The following C1D variants were observed in gnomAD, a reference collection of about 807,000 sequenced individuals.
C1D encodes the protein nuclear nucleic acid-binding protein C1D.
A neutral mutation model predicts 17.5 loss-of-function variants in C1D; 10 were observed. The ratio of observed to expected loss-of-function variants is 0.57; its 90% CI spans 0.35 to 0.97. C1D has a LOEUF of 0.97. Among genes scored for constraint, C1D ranks in the 50% least tolerant of loss-of-function variants. C1D has a pLI of 0.01. For missense variants in C1D, 136 were observed against 160.1 expected, an observed-to-expected ratio of 0.85 and a Z score of 0.81; for synonymous variants, 49 against 54.0, an observed-to-expected ratio of 0.91 and a Z score of 0.40.
In C1D at chr2:68,043,008, T is replaced by G; in HGVS notation, c.307A>C (p.Lys103Gln). Residue 103 changes from lysine (K) to glutamine (Q), a missense_variant, in exon 5 of 5, where the codon AAG (lysine) becomes CAG (glutamine). Coordinates refer to ENST00000410067, the MANE Select transcript of C1D (RefSeq NM_173177.3). ...CTGTCCAGCTTGCCAGCCTTTTTCT[T>G]GTCTGTTATTTCCTTGACTCTGTTC... ...YMNRVKEITDKKKAGKLDRGA... is the reference protein window; with the variant it reads ...YMNRVKEITDQKKAGKLDRGA... The G allele has an allele frequency of 6.2e-7, 1 of 1,611,034 alleles. No individual in the cohort carries two copies. The highest frequency in any genetic ancestry group is 8.5e-7 in the Non-Finnish European group (1 of 1,178,284).
Position 68,053,294 on chromosome 2 carries a change from T to C in C1D, c.-9-5975A>G, listed in dbSNP as rs1671341258. On this transcript the variant is annotated intron_variant, in intron 1 of 4. Coordinates refer to ENST00000410067, the MANE Select transcript of C1D (RefSeq NM_173177.3). Reference sequence around the variant, plus strand: ...ACTCAGTCCTTCCTCTCACTGGTTATACAGAAGCCAAAGTACCGATAGGAG... The same window carrying C: ...ACTCAGTCCTTCCTCTCACTGGTTACACAGAAGCCAAAGTACCGATAGGAG... The C allele has an allele frequency of 3.7e-6, 5 of 1,350,778 alleles. No individual in the cohort carries two copies. The Admixed American group carries it at 1.2e-4, about 34-fold the overall frequency. 83.7% of individuals were successfully genotyped at this position (1,350,778 alleles called of 1,614,324 possible).
At chr2:68,048,872 C>T (rs1671205646) in intron 1 of C1D, among the ~76,000 whole-genome samples, 1 of 152,124 alleles carries the variant, frequency 6.6e-6, no homozygotes, top group African/African-American at 2.4e-5. Context: ...GATCTACCAG[C>T]AGACTTCAAC....
intron 1 of C1D, among the ~76,000 whole-genome samples, chr2:68,061,460 C>T (rs1176939363): frequency 1.3e-5 from 2 of 152,194 alleles, no homozygotes; most frequent in Non-Finnish European, 2.9e-5. Context: ...TGAACAATTA[C>T]ATTAAATTAA....
At chr2:68,044,810 TTC>T (rs1348890292) in intron 4 of C1D, among the ~76,000 whole-genome samples, 1 of 152,180 alleles carries the variant, frequency 6.6e-6, no homozygotes, top group Non-Finnish European at 1.5e-5. Context: ...CAAAAGTAGA[TTC>T]TGAGGTAGAA....
At position 68,042,235 on chromosome 2, in the gene C1D, A is replaced by G; in HGVS notation, c.*654T>C. On this transcript the variant is annotated 3_prime_UTR_variant, in exon 5 of 5. Coordinates refer to ENST00000410067, the MANE Select transcript of C1D (RefSeq NM_173177.3). ...AACATTTTCAGCCTTTATTGAGAGT[A>G]CAGTCATCATGCCAAAATTCATCCA... 1 of 152,560 alleles carries G rather than the reference A, an allele frequency of 6.6e-6. No individual in the cohort carries two copies. Among genetic ancestry groups the G allele is most frequent in the Non-Finnish European group, 1.5e-5 (1 of 67,972 alleles). 9.5% of individuals were successfully genotyped at this position (152,560 alleles called of 1,614,324 possible).
chr2:68,057,329 G>A (rs780773255), intron 1 of C1D, among the ~76,000 whole-genome samples: 1 of 139,208 alleles, frequency 7.2e-6, no homozygotes, highest in Non-Finnish European at 1.5e-5. Flanking sequence ...TTTTTTTTTC[G>A]TATTTTTAGT....
intron 1 of C1D, among the ~76,000 whole-genome samples, chr2:68,054,500 A>G (rs556217073): frequency 6.6e-6 from 1 of 152,354 alleles, no homozygotes; most frequent in African/African-American, 2.4e-5. Flanking sequence ...CTGCTTCTAA[A>G]GCCTTTCAAC....
At chr2:68,057,661 T>C (rs1044819120) in intron 1 of C1D, among the ~76,000 whole-genome samples, 1 of 151,824 alleles carries the variant, frequency 6.6e-6, no homozygotes, top group African/African-American at 2.4e-5. Flanking sequence ...TAACATATTA[T>C]AATAATACTT....
rs578168074 is a variant in C1D at position 68,057,792 on chromosome 2, C to G, written c.-10+5166G>C. Reference sequence around the variant, plus strand: ...GCAACAACTAAACCTATATTCTTTACCACTGTTACATTCAAAGAACCATAT... The same window carrying G: ...GCAACAACTAAACCTATATTCTTTAGCACTGTTACATTCAAAGAACCATAT... On this transcript the variant is annotated intron_variant, in intron 1 of 4. Transcript: ENST00000410067. Among the ~76,000 whole-genome samples, 6 of 152,268 alleles carry G rather than the reference C, an allele frequency of 3.9e-5. No individual in the cohort carries two copies. The South Asian group carries it at 1.2e-3, about 32-fold the overall frequency.
At position 68,045,945 on chromosome 2, in the gene C1D, TACA is replaced by T. The variant is rs1320594628; in HGVS notation, c.261+40_261+42del. On this transcript the variant is annotated intron_variant, in intron 4 of 4. Coordinates refer to ENST00000410067, the MANE Select transcript of C1D (RefSeq NM_173177.3). ...AAGGTAGTGTGACAAACCTCAGGAATACAACAACAAACACATAAAATAAAAAGA... is the reference window on the plus strand; with the variant it reads ...AAGGTAGTGTGACAAACCTCAGGAATACAACAAACACATAAAATAAAAAGA... 4 of 1,352,232 alleles carry T rather than the reference TACA, an allele frequency of 3.0e-6. No homozygotes were observed. The African/African-American group carries it at 4.4e-5, about 15-fold the overall frequency. The allele number at this position is 1,352,232 out of a possible 1,614,324, so 83.8% of individuals were successfully genotyped here.
intron 4 of C1D, among the ~76,000 whole-genome samples, chr2:68,045,561 T>C (rs888543992): frequency 2.6e-5 from 4 of 152,186 alleles, no homozygotes; most frequent in Admixed American, 6.5e-5. Context: ...GCTTTGTTGC[T>C]GAACTGGATT....
chr2:68,053,334 T>C (rs1183750915), intron 1 of C1D: 33 of 942,100 alleles, frequency 3.5e-5, no homozygotes, highest in South Asian at 3.0e-4. Context: ...CAAGAGTGCA[T>C]AGCATCACAT....
Position 68,060,772 on chromosome 2 carries a change from ACTCCT to A in C1D, c.-10+2181_-10+2185del, listed in dbSNP as rs1323868089. Among the ~76,000 whole-genome samples the A allele has an allele frequency of 3.3e-5, 5 of 151,814 alleles. No individual in the cohort carries two copies. The South Asian group carries it at 8.3e-4, about 25-fold the overall frequency. ...AAACAAACCTAAGTCAGATCATGTC[ACTCCT>A]CTCCTCCTACCTTTCCATTGGTTAT... On this transcript the variant is annotated intron_variant, in intron 1 of 4. Transcript: ENST00000410067.
intron 4 of C1D, among the ~76,000 whole-genome samples, chr2:68,043,455 A>G (rs548853469): frequency 6.6e-6 from 1 of 152,360 alleles, no homozygotes; most frequent in African/African-American, 2.4e-5. Context: ...CAAAATACAA[A>G]CTAAATTCTC....
chr2:68,054,434 C>A (rs1247083168), intron 1 of C1D, among the ~76,000 whole-genome samples: 1 of 152,192 alleles, frequency 6.6e-6, no homozygotes, highest in African/African-American at 2.4e-5. Context: ...TGGCTACTAG[C>A]TGAAACTGCT....
At chr2:68,056,687 A>G (rs1486142020) in intron 1 of C1D, among the ~76,000 whole-genome samples, 1 of 152,240 alleles carries the variant, frequency 6.6e-6, no homozygotes, top group African/African-American at 2.4e-5. Flanking sequence ...CTTACTGATA[A>G]TTAAGGAAAC....
intron 4 of C1D, among the ~76,000 whole-genome samples, chr2:68,045,291 AATTT>A (rs1172941731): frequency 5.3e-5 from 8 of 152,212 alleles, no homozygotes; most frequent in African/African-American, 1.4e-4. Context: ...ACAAAGAATC[AATTT>A]ATTAATATTC....
intron 1 of C1D, among the ~76,000 whole-genome samples, chr2:68,053,686 A>G (rs907612607): frequency 6.6e-6 from 1 of 152,194 alleles, no homozygotes; most frequent in African/African-American, 2.4e-5. Flanking sequence ...TGCAAGGCCC[A>G]TTATGATGTG....
At chr2:68,061,083 G>C (rs1239496200) in intron 1 of C1D, among the ~76,000 whole-genome samples, 4 of 152,268 alleles carry the variant, frequency 2.6e-5, no homozygotes, top group African/African-American at 9.6e-5. Flanking sequence ...ATTATACACA[G>C]TTATGAACTA....
Sources: allele counts gnomAD v4.1 joint callset (sites outside exome capture counted in the v4.1 genomes callset), GRCh38; gene constraint gnomAD v4.1.1; transcripts MANE v1.5; gene names NCBI Gene and HGNC (gene_info 2026-07-23, HGNC 2026-07-21).